FGF14: variants seen among roughly 807,000 people sequenced by gnomAD.
FGF14 encodes the protein fibroblast growth factor 14.
Under a neutral mutation model 25.5 loss-of-function variants are expected in FGF14, and 5 were observed. That is an observed-to-expected ratio of 0.20 (90% CI 0.10 to 0.41). The LOEUF (loss-of-function observed/expected upper bound fraction) is 0.41. FGF14 is among the 10% of genes least tolerant of loss of function. The pLI, the probability that FGF14 is intolerant of heterozygous loss-of-function variation, is 1.00. For missense variants in FGF14, 222 were observed against 320.1 expected, an observed-to-expected ratio of 0.69 and a Z score of 2.34; for synonymous variants, 138 against 118.3, an observed-to-expected ratio of 1.17 and a Z score of -1.08.
At chr13:102,176,510 C>A (rs1002300688) in intron 1 of FGF14, among the ~76,000 whole-genome samples, 2 of 152,078 alleles carry the variant, frequency 1.3e-5, no homozygotes, top group African/African-American at 4.8e-5. Context: ...GAAGCACAAA[C>A]CTCACCATTA....
intron 1 of FGF14, among the ~76,000 whole-genome samples, chr13:101,905,221 T>C (rs909143412): frequency 1.8e-4 from 27 of 152,208 alleles, no homozygotes; most frequent in Admixed American, 1.3e-4. Flanking sequence ...CAGAGGATTA[T>C]AAATTATTCT....
At chr13:102,222,567 C>A (rs2050660528) in intron 1 of FGF14, among the ~76,000 whole-genome samples, 1 of 152,176 alleles carries the variant, frequency 6.6e-6, no homozygotes, top group Admixed American at 6.5e-5. Context: ...TTAAAGAATT[C>A]TCTTTTGAGC....
chr13:102,184,080 C>T (rs1594316913), intron 1 of FGF14, among the ~76,000 whole-genome samples: 1 of 152,178 alleles, frequency 6.6e-6, no homozygotes, highest in East Asian at 1.9e-4. Context: ...TCACTGAGTT[C>T]CAGTCACTCA....
In FGF14 at chr13:102,277,799, T is replaced by C. The variant is rs1319539606; in HGVS notation, c.208+123672A>G. Among the ~76,000 whole-genome samples the C allele has an allele frequency of 2.0e-5, 3 of 152,242 alleles. No homozygotes were observed. The East Asian group carries it at 5.8e-4, about 29-fold the overall frequency. On this transcript the variant is annotated intron_variant, in intron 1 of 4. Transcript: ENST00000376131. The stretch of plus-strand genomic sequence containing the variant: ...ATCCATTACAGTGAACCCACAAAAG[T>C]GCTCCTGCATTCACTGAGTTCTTAG...
intron 1 of FGF14, among the ~76,000 whole-genome samples, chr13:102,304,679 T>C (rs987398760): frequency 2.0e-5 from 3 of 152,168 alleles, no homozygotes; most frequent in African/African-American, 7.2e-5. Flanking sequence ...TTATTCTCTC[T>C]GGAGGAAGCC....
chr13:102,244,066 T>C (rs979885835), intron 1 of FGF14, among the ~76,000 whole-genome samples: 1 of 152,032 alleles, frequency 6.6e-6, no homozygotes, highest in African/African-American at 2.4e-5. Context: ...ATTCCTTACC[T>C]ATGTGATTCC....
chr13:101,995,990 T>C (rs1026515435), intron 1 of FGF14, among the ~76,000 whole-genome samples: 1 of 152,134 alleles, frequency 6.6e-6, no homozygotes, highest in African/African-American at 2.4e-5. Context: ...CATTTTAAAA[T>C]AATGTAAAGA....
chr13:101,923,360 T>C (rs973144672), intron 1 of FGF14, among the ~76,000 whole-genome samples: 23 of 152,214 alleles, frequency 1.5e-4, no homozygotes, highest in African/African-American at 5.5e-4. Flanking sequence ...AGATGATATA[T>C]ATTGGCATTT....
At chr13:102,022,317 G>A (rs2040702122) in intron 1 of FGF14, among the ~76,000 whole-genome samples, 1 of 152,030 alleles carries the variant, frequency 6.6e-6, no homozygotes, top group Admixed American at 6.6e-5. Flanking sequence ...GAGAGGAGAG[G>A]GAACAAATTA....
At chr13:101,848,470 G>A (rs2043580570) in intron 3 of FGF14, among the ~76,000 whole-genome samples, 1 of 151,974 alleles carries the variant, frequency 6.6e-6, no homozygotes, top group Non-Finnish European at 1.5e-5. Flanking sequence ...ACAAGAGAAA[G>A]GAGGAGGCAA....
intron 1 of FGF14, among the ~76,000 whole-genome samples, chr13:102,360,883 AC>A (rs1260124718): frequency 6.6e-6 from 1 of 152,180 alleles, no homozygotes; most frequent in Non-Finnish European, 1.5e-5. Context: ...ACACACACAC[AC>A]ATACACACAC....
intron 1 of FGF14, among the ~76,000 whole-genome samples, chr13:101,914,281 T>G (rs190759644): frequency 5.9e-5 from 9 of 151,588 alleles, no homozygotes; most frequent in Admixed American, 5.9e-4. Flanking sequence ...AGTCTTAATA[T>G]TTGTTTTGCT....
At chr13:101,787,209 T>A (rs920820927) in intron 3 of FGF14, among the ~76,000 whole-genome samples, 1 of 152,168 alleles carries the variant, frequency 6.6e-6, no homozygotes, top group Non-Finnish European at 1.5e-5. Context: ...GAGTATATCA[T>A]AAAGCTAAGC....
chr13:101,787,921 G>C (rs1030730463), intron 3 of FGF14, among the ~76,000 whole-genome samples: 4 of 152,110 alleles, frequency 2.6e-5, no homozygotes, highest in African/African-American at 9.7e-5. Flanking sequence ...GCCCAGGCTA[G>C]GGTGCAGTGG....
At chr13:102,156,744 T>TTGTA (rs1293421556) in intron 1 of FGF14, among the ~76,000 whole-genome samples, 1 of 152,144 alleles carries the variant, frequency 6.6e-6, no homozygotes, top group Admixed American at 6.6e-5. Context: ...GACGACATGA[T>TTGTA]TGTATATCTA....
At chr13:102,096,128 G>A (rs1334359143) in intron 1 of FGF14, among the ~76,000 whole-genome samples, 1 of 151,624 alleles carries the variant, frequency 6.6e-6, no homozygotes, top group Non-Finnish European at 1.5e-5. Flanking sequence ...AAAGTTATTA[G>A]GTTAAAATAG....
At chr13:102,288,689 A>AT (rs1340213437) in intron 1 of FGF14, among the ~76,000 whole-genome samples, 1 of 152,164 alleles carries the variant, frequency 6.6e-6, no homozygotes, top group African/African-American at 2.4e-5. Context: ...GATTCAAGCA[A>AT]TTCTTCTGCC....
chr13:102,339,961 A>G (rs2056900254), intron 1 of FGF14, among the ~76,000 whole-genome samples: 1 of 152,230 alleles, frequency 6.6e-6, no homozygotes, highest in Non-Finnish European at 1.5e-5. Context: ...CTAGGAGGCA[A>G]CTGGAGGCAA....
rs1036562921 is a variant in FGF14, at chr13:101,973,118, T to G, written c.209-97822A>C. Among the ~76,000 whole-genome samples, 15 of 109,944 alleles carry G rather than the reference T, an allele frequency of 1.4e-4. No individual in the cohort carries two copies. In the East Asian group the frequency reaches 5.1e-3, roughly 38 times the overall value. The allele number at this position is 109,944 out of a possible 152,430, so 72.1% of individuals were successfully genotyped here. On this transcript the variant is annotated intron_variant, in intron 1 of 4. Coordinates refer to the FGF14 transcript ENST00000376131. ...CTGACAGCACATCATAAAGTGTGCT[T>G]CTTTTTTTTTTTTTTTTTTGCCTTT... is the stretch of plus-strand genomic sequence containing the variant.
Sources: gnomAD v4.1 joint callset for allele counts (sites outside exome capture counted in the v4.1 genomes callset) on GRCh38, gnomAD v4.1.1 for gene constraint, MANE v1.5 for transcripts, NCBI Gene and HGNC (gene_info 2026-07-23, HGNC 2026-07-21) for gene names.